The following CSNK2A2 variants were observed in gnomAD, a reference collection of about 807,000 sequenced individuals.
CSNK2A2 encodes casein kinase 2 alpha 2, also known as casein kinase II subunit alpha'.
In CSNK2A2, 8 loss-of-function variants were observed where a neutral mutation model predicts 54.0. The ratio of observed to expected loss-of-function variants is 0.15; its 90% CI spans 0.09 to 0.27. CSNK2A2 has a LOEUF of 0.27. CSNK2A2 is among the 10% of genes least tolerant of loss of function. The pLI is 1.00. For synonymous variants in CSNK2A2, 141 were observed against 153.9 expected (o/e 0.92, Z 0.62); for missense variants, 242 against 439.4 (o/e 0.55, Z 4.02).
At chr16:58,188,563 T>C (rs1169016367) in intron 2 of CSNK2A2, among the ~76,000 whole-genome samples, 1 of 152,272 alleles carries the variant, frequency 6.6e-6, no homozygotes, top group East Asian at 1.9e-4. Flanking sequence ...AATCTGGGAT[T>C]TTCCTTTGCT....
At chr16:58,183,679 A>T (rs1191313624) in intron 4 of CSNK2A2, among the ~76,000 whole-genome samples, 1 of 152,138 alleles carries the variant, frequency 6.6e-6, no homozygotes, top group East Asian at 1.9e-4. Context: ...TAATGTTTGA[A>T]CAATAAATTT....
chr16:58,169,965 G>C (rs1283905122), intron 5 of CSNK2A2, among the ~76,000 whole-genome samples: 3 of 152,032 alleles, frequency 2.0e-5, no homozygotes, highest in African/African-American at 7.3e-5. Flanking sequence ...AGAATTGCCT[G>C]AACCTGAGAG....
intron 5 of CSNK2A2, among the ~76,000 whole-genome samples, chr16:58,169,279 C>G (rs1197563093): frequency 2.6e-5 from 4 of 152,010 alleles, no homozygotes; most frequent in Non-Finnish European, 5.9e-5. Context: ...GTGACTCATG[C>G]CTGTAATCCT....
intron 6 of CSNK2A2, among the ~76,000 whole-genome samples, chr16:58,168,127 A>C (rs944778818): frequency 6.6e-6 from 1 of 152,122 alleles, no homozygotes; most frequent in African/African-American, 2.4e-5. Context: ...TTTTCGTTAT[A>C]AGCTCCAGGC....
In CSNK2A2 at chr16:58,198,099, G is replaced by A. The variant is rs1372953120; in HGVS notation, c.-363C>T. Among the ~76,000 whole-genome samples, 1 of 146,640 alleles carries A rather than the reference G, an allele frequency of 6.8e-6. No individual in the cohort carries two copies. Among genetic ancestry groups the A allele is most frequent in the Non-Finnish European group, 1.5e-5 (1 of 65,850 alleles). On this transcript the variant is annotated 5_prime_UTR_variant, in exon 1 of 12. Coordinates refer to ENST00000262506, the MANE Select transcript of CSNK2A2 (RefSeq NM_001896.4). ...AGCGGCGGCGGCAGCGGAGAAGAAG[G>A]AGGAGAGGAGGAGGAGGCGGAGGAA...
intron 4 of CSNK2A2, 78 bp downstream of exon 4, chr16:58,184,182 G>C (rs754958138): frequency 8.9e-7 from 1 of 1,124,368 alleles, no homozygotes; most frequent in Non-Finnish European, 1.3e-6. Context: ...TGGCCCCTTG[G>C]GTTCTGGAGT....
chr16:58,173,259 C>T (rs923296030), intron 5 of CSNK2A2, among the ~76,000 whole-genome samples: 1 of 152,196 alleles, frequency 6.6e-6, no homozygotes, highest in Non-Finnish European at 1.5e-5. Flanking sequence ...ACCCATTAGC[C>T]ATAAGAGTGA....
chr16:58,174,561 G>C, intron 4 of CSNK2A2, 51 bp from the exon 5 acceptor site: 1 of 1,446,692 alleles, frequency 6.9e-7, no homozygotes, highest in Non-Finnish European at 9.7e-7. Flanking sequence ...ACTGCATCTT[G>C]TCATCCTAAG....
intron 2 of CSNK2A2, among the ~76,000 whole-genome samples, chr16:58,193,782 A>T (rs913262578): frequency 6.6e-6 from 1 of 152,206 alleles, no homozygotes; most frequent in Admixed American, 6.5e-5. Flanking sequence ...CTGCCCTGCC[A>T]TATAAACGCT....
chr16:58,172,524 T>G (rs2142421770), intron 5 of CSNK2A2, among the ~76,000 whole-genome samples: 1 of 152,298 alleles, frequency 6.6e-6, no homozygotes, highest in Non-Finnish European at 1.5e-5. Context: ...AAAGAGAAAA[T>G]TTACCAAGTG....
rs907605439 is a variant in CSNK2A2 at position 58,197,576 on chromosome 16, G to C, written c.104+57C>G. 9 of 1,275,412 alleles carry C rather than the reference G, an allele frequency of 7.1e-6. No individual in the cohort carries two copies. In the African/African-American group the frequency reaches 7.8e-5, roughly 11 times the overall value. The allele number at this position is 1,275,412 out of a possible 1,614,324, so 79.0% of individuals were successfully genotyped here. A position where few individuals can be genotyped will look rare whatever the true frequency, so the allele number is the denominator to read the frequency against. ...CCGGGCCCGAGTGCGGTTCGCAGGG[G>C]GTGGCCGGGCGGGGGCAGGGATCAG... On this transcript the variant is annotated intron_variant, in intron 1 of 11. Transcript: ENST00000262506. The surrounding 1 kb of genome is among the most constrained non-coding windows in gnomAD (Gnocchi z 4.0).
chr16:58,195,471 G>GA (rs1482836367), intron 2 of CSNK2A2, among the ~76,000 whole-genome samples: 1 of 151,804 alleles, frequency 6.6e-6, no homozygotes, highest in Non-Finnish European at 1.5e-5. Context: ...CTAGCACACA[G>GA]AAACAGCTTT....
chr16:58,191,655 G>A (rs1962324740), intron 2 of CSNK2A2, among the ~76,000 whole-genome samples: 1 of 151,846 alleles, frequency 6.6e-6, no homozygotes, highest in Non-Finnish European at 1.5e-5. Flanking sequence ...GAGGCACCGC[G>A]CCTAGCCTAT....
Position 58,197,726 on chromosome 16 carries a change from G to C in CSNK2A2, c.11C>G (p.Pro4Arg), listed in dbSNP as rs1327124704. 2 of 1,460,834 alleles carry C rather than the reference G, an allele frequency of 1.4e-6. No homozygotes were observed. Among genetic ancestry groups the C allele is most frequent in the Non-Finnish European group, 1.8e-6 (2 of 1,099,776 alleles). 90.5% of individuals were successfully genotyped at this position (1,460,834 alleles called of 1,614,324 possible). ...GACCCGGGCCCTGCTGCCCGCGGCC[G>C]GGCCGGGCATGGCGGGCGGGACCGG... MPG[P>R]AAGSRARVYA... is the part of the protein sequence containing the mutation. Residue 4 changes from proline (P) to arginine (R), a missense_variant, in exon 1 of 12, where the codon CCG (proline) becomes CGG (arginine). Around this residue, in one of 5 missense-constraint regions of CSNK2A2, gnomAD observed 48 missense variants for 55.4 expected, o/e 0.87. Transcript: ENST00000262506. The surrounding 1 kb of genome is among the most constrained non-coding windows in gnomAD (Gnocchi z 4.0).
chr16:58,163,253 C>CAAAAAAA (rs55808367), intron 11 of CSNK2A2: 78 of 66,310 alleles, frequency 1.2e-3, no homozygotes, highest in South Asian at 1.9e-3. Flanking sequence ...ACAAGGCTGC[C>CAAAAAAA]AAAAAAAAAA....
intron 11 of CSNK2A2, chr16:58,163,770 CA>C (rs1199566508): frequency 3.4e-5 from 8 of 237,842 alleles, no homozygotes; most frequent in Non-Finnish European, 6.6e-5. Flanking sequence ...CCCTGTTAAA[CA>C]AAGGTAAATG....
At chr16:58,161,444 G>A (rs541329218) in intron 11 of CSNK2A2, 1 of 152,204 alleles carries the variant, frequency 6.6e-6, no homozygotes, top group Admixed American at 6.5e-5. Flanking sequence ...GTACTGAGAT[G>A]AGTTTAAGAA....
At chr16:58,174,576 G>T in intron 4 of CSNK2A2, 66 bp from the exon 5 acceptor site, 1 of 1,304,972 alleles carries the variant, frequency 7.7e-7, no homozygotes. Context: ...CCTAAGTGCA[G>T]GCCATTCTCT....
chr16:58,173,043 T>C (rs1421591892), intron 5 of CSNK2A2, among the ~76,000 whole-genome samples: 1 of 152,180 alleles, frequency 6.6e-6, no homozygotes, highest in Non-Finnish European at 1.5e-5. Flanking sequence ...GAGATCTGAA[T>C]TGTAGCTCTC....
Sources: allele counts gnomAD v4.1 joint callset (sites outside exome capture counted in the v4.1 genomes callset), GRCh38; gene constraint gnomAD v4.1.1; regional missense constraint gnomAD v4.1.1; non-coding constraint Gnocchi (gnomAD v3.1); transcripts MANE v1.5; gene names NCBI Gene and HGNC (gene_info 2026-07-23, HGNC 2026-07-21).